AEBP2: variants seen among roughly 807,000 people sequenced by gnomAD.
AEBP2 encodes zinc finger protein AEBP2.
A neutral mutation model predicts 50.8 loss-of-function variants in AEBP2; 10 were observed. The observed-to-expected ratio is 0.20, with a 90% CI of 0.12 to 0.33. AEBP2 has a LOEUF of 0.33. AEBP2 is among the 10% of genes least tolerant of loss of function. The pLI, the probability that AEBP2 is intolerant of heterozygous loss-of-function variation, is 1.00. For synonymous variants in AEBP2, 296 were observed against 261.3 expected, an observed-to-expected ratio of 1.13 and a Z score of -1.28; for missense variants, 570 against 688.0, an observed-to-expected ratio of 0.83 and a Z score of 1.92.
intron 1 of AEBP2, among the ~76,000 whole-genome samples, chr12:19,445,279 G>A (rs769167154): frequency 6.6e-5 from 10 of 152,038 alleles, no homozygotes; most frequent in Admixed American, 6.6e-4. Flanking sequence ...GCTCACGGCA[G>A]CCTCTGCCTC....
chr12:19,481,956 A>T (rs1241057779), intron 3 of AEBP2, among the ~76,000 whole-genome samples: 3 of 152,024 alleles, frequency 2.0e-5, no homozygotes, highest in African/African-American at 7.3e-5. Flanking sequence ...CAACCTTCTG[A>T]ATTCTTTATC....
At chr12:19,439,119 T>C (rs2153365737), upstream of AEBP2, among the ~76,000 whole-genome samples, 1 of 152,312 alleles carries the variant, frequency 6.6e-6, no homozygotes, top group South Asian at 2.1e-4. Flanking sequence ...TTTAGTACCT[T>C]ACACCGTAGT....
intron 1 of AEBP2, among the ~76,000 whole-genome samples, chr12:19,432,433 C>T (rs1416892817): frequency 2.0e-5 from 3 of 152,190 alleles, no homozygotes; most frequent in Non-Finnish European, 4.4e-5. Context: ...GTGGCTCATG[C>T]TTGTAATCCC....
At chr12:19,445,970 A>C (rs550523738) in intron 1 of AEBP2, 1 of 152,278 alleles carries the variant, frequency 6.6e-6, no homozygotes, top group African/African-American at 2.4e-5. Flanking sequence ...ATGCTTCATG[A>C]ATTTGCATGT....
At chr12:19,500,006 A>G (rs1949042800) in intron 4 of AEBP2, 91 bp from the exon 5 acceptor site, 29 of 1,152,560 alleles carry the variant, frequency 2.5e-5, no homozygotes, top group Non-Finnish European at 3.6e-5. Context: ...AATACTATTG[A>G]TAGATATGTA....
At chr12:19,486,993 T>G (rs1948818962) in intron 3 of AEBP2, among the ~76,000 whole-genome samples, 1 of 152,156 alleles carries the variant, frequency 6.6e-6, no homozygotes, top group Non-Finnish European at 1.5e-5. Context: ...GGTATCTCAC[T>G]GTCGCTTTAA....
chr12:19,488,062 T>A (rs947402514), intron 3 of AEBP2, among the ~76,000 whole-genome samples: 2 of 152,106 alleles, frequency 1.3e-5, no homozygotes, highest in African/African-American at 4.8e-5. Context: ...ACAATAATTC[T>A]TTGAGTTAAT....
chr12:19,407,247 A>T (rs1369039891), intron 1 of AEBP2, among the ~76,000 whole-genome samples: 2 of 152,168 alleles, frequency 1.3e-5, no homozygotes, highest in Admixed American at 1.3e-4. Flanking sequence ...AGGTTGCAGT[A>T]AGCTATTGGT....
At chr12:19,490,248 A>G (rs184258807) in intron 3 of AEBP2, among the ~76,000 whole-genome samples, 58 of 152,228 alleles carry the variant, frequency 3.8e-4, no homozygotes, top group African/African-American at 1.3e-3. Context: ...GACTTACAAC[A>G]TTTCTCAATT....
upstream of AEBP2, among the ~76,000 whole-genome samples, chr12:19,435,980 T>C (rs537697884): frequency 8.5e-5 from 13 of 152,208 alleles, no homozygotes; most frequent in South Asian, 2.5e-3. Context: ...ATGGGTAAAA[T>C]AAGGCTGAAA....
chr12:19,406,709 C>T (rs2095736502), intron 1 of AEBP2, among the ~76,000 whole-genome samples: 1 of 151,906 alleles, frequency 6.6e-6, no homozygotes, highest in Non-Finnish European at 1.5e-5. Flanking sequence ...TTACTGAGGT[C>T]TATTTTATCA....
Position 19,431,189 on chromosome 12 carries a change from A to C in AEBP2, c.-17+26973A>C, listed in dbSNP as rs1055385179. On this transcript the variant is annotated intron_variant, in intron 1 of 3. Transcript: ENST00000538425. ...AATAGCTGCCATACATACTTAAGAAAGGAGGGCTGGTTGCTTTATTTTGGC... is the reference window on the plus strand; with the variant it reads ...AATAGCTGCCATACATACTTAAGAACGGAGGGCTGGTTGCTTTATTTTGGC... Among the ~76,000 whole-genome samples the C allele has an allele frequency of 3.1e-4, 47 of 152,212 alleles. 2 individuals carry two copies. The highest frequency in any genetic ancestry group is 2.9e-3 in the Admixed American group (45 of 15,262).
chr12:19,508,522 CTAATTTTGTTTA>C, intron 5 of AEBP2, among the ~76,000 whole-genome samples: 1 of 152,150 alleles, frequency 6.6e-6, no homozygotes, highest in South Asian at 2.1e-4. Context: ...CACTAAAGTT[CTAATTTTGTTTA>C]TATGGAAATT....
intron 1 of AEBP2, among the ~76,000 whole-genome samples, chr12:19,453,924 A>G (rs1484764743): frequency 4.6e-5 from 7 of 151,692 alleles, no homozygotes; most frequent in African/African-American, 1.7e-4. Context: ...CGGCCTCCCA[A>G]AGTGCTGGGA....
At chr12:19,488,126 A>T (rs1040045874) in intron 3 of AEBP2, among the ~76,000 whole-genome samples, 2 of 144,798 alleles carry the variant, frequency 1.4e-5, no homozygotes, top group South Asian at 2.2e-4. Context: ...AACAGATTAA[A>T]TTTTTTTTTT....
intron 2 of AEBP2, among the ~76,000 whole-genome samples, chr12:19,471,528 G>A (rs187516328): frequency 2.7e-4 from 41 of 151,884 alleles, no homozygotes; most frequent in African/African-American, 9.4e-4. Flanking sequence ...TGGAGAGAAG[G>A]TCTCACTGTG....
At chr12:19,440,767 A>G in intron 1 of AEBP2, 1 of 1,533,224 alleles carries the variant, frequency 6.5e-7, no homozygotes, top group South Asian at 1.2e-5. Flanking sequence ...ACTTGTCAGA[A>G]CTACAATTGA....
chr12:19,418,389 C>CTTTTTTTT (rs372043971), intron 1 of AEBP2, among the ~76,000 whole-genome samples: 4 of 94,930 alleles, frequency 4.2e-5, no homozygotes, highest in Admixed American at 1.2e-4. Flanking sequence ...CTATGCCTGG[C>CTTTTTTTT]TTTTTTTTTT....
chr12:19,513,885 CG>C (rs1949273924), intron 6 of AEBP2, among the ~76,000 whole-genome samples: 1 of 139,136 alleles, frequency 7.2e-6, no homozygotes, highest in Admixed American at 7.1e-5. Flanking sequence ...GTGTTATGGC[CG>C]CATGCATTTT....
Sources: gnomAD v4.1 joint callset for allele counts (sites outside exome capture counted in the v4.1 genomes callset) on GRCh38, gnomAD v4.1.1 for gene constraint, MANE v1.5 for transcripts, NCBI Gene and HGNC (gene_info 2026-07-23, HGNC 2026-07-21) for gene names.